The following PRKG1 variants were observed in gnomAD, a reference collection of about 807,000 sequenced individuals.
PRKG1 encodes protein kinase cGMP-dependent 1.
Under a neutral mutation model 88.1 loss-of-function variants are expected in PRKG1, and 35 were observed. The ratio of observed to expected loss-of-function variants is 0.40; its 90% CI spans 0.30 to 0.53. PRKG1 has a LOEUF of 0.53. PRKG1 is among the 20% of genes least tolerant of loss of function. The pLI is 0.59. For missense variants in PRKG1, 540 were observed against 839.8 expected (o/e 0.64, Z 4.41); for synonymous variants, 303 against 292.5 (o/e 1.04, Z -0.37).
At chr10:52,014,316 T>C (rs945466449) in intron 5 of PRKG1, among the ~76,000 whole-genome samples, 2 of 152,116 alleles carry the variant, frequency 1.3e-5, no homozygotes, top group African/African-American at 4.8e-5. Flanking sequence ...TATTATATGG[T>C]GGCAGGAGAG....
intron 5 of PRKG1, among the ~76,000 whole-genome samples, chr10:51,937,037 G>C (rs1319597576): frequency 6.6e-6 from 1 of 151,962 alleles, no homozygotes; most frequent in Non-Finnish European, 1.5e-5. Context: ...TTGCTGTTTA[G>C]TTAGCAGGAG....
chr10:51,560,638 A>C (rs1373824284), intron 3 of PRKG1, among the ~76,000 whole-genome samples: 1 of 152,122 alleles, frequency 6.6e-6, no homozygotes, highest in Non-Finnish European at 1.5e-5. Flanking sequence ...GATACATTTA[A>C]TTAACTGAAG....
intron 7 of PRKG1, among the ~76,000 whole-genome samples, chr10:52,132,661 T>A (rs1479044286): frequency 6.6e-6 from 1 of 152,140 alleles, no homozygotes; most frequent in Non-Finnish European, 1.5e-5. Flanking sequence ...GCTATATCAT[T>A]TCATATGTAC....
intron 2 of PRKG1, chr10:51,245,846 G>T (rs1011983379): frequency 2.0e-5 from 3 of 152,030 alleles, no homozygotes; most frequent in African/African-American, 7.2e-5. Flanking sequence ...AATATGGGTG[G>T]AACTGGATTC....
intron 1 of PRKG1, among the ~76,000 whole-genome samples, chr10:51,021,545 G>T (rs561432023): frequency 4.6e-5 from 7 of 152,136 alleles, no homozygotes; most frequent in Non-Finnish European, 8.8e-5. Context: ...TTTCTAGCTA[G>T]TCATGTTGGA....
chr10:51,499,448 GT>G (rs934370263), intron 3 of PRKG1, among the ~76,000 whole-genome samples: 19 of 152,246 alleles, frequency 1.2e-4, no homozygotes, highest in African/African-American at 4.6e-4. Flanking sequence ...TTATAATTGA[GT>G]TTTAAATCAT....
chr10:51,508,182 A>G (rs147715707), intron 3 of PRKG1, among the ~76,000 whole-genome samples: 21 of 152,318 alleles, frequency 1.4e-4, no homozygotes, highest in Admixed American at 4.6e-4. Context: ...GCATTTAAAC[A>G]GGACCTGGCA....
chr10:51,324,533 CT>C (rs1316500893), intron 2 of PRKG1, among the ~76,000 whole-genome samples: 1 of 149,164 alleles, frequency 6.7e-6, no homozygotes, highest in Non-Finnish European at 1.5e-5. Context: ...CAAGACCATC[CT>C]GTCTAACACG....
At chr10:51,314,332 T>C (rs1841266805) in intron 2 of PRKG1, among the ~76,000 whole-genome samples, 1 of 152,166 alleles carries the variant, frequency 6.6e-6, no homozygotes, top group African/African-American at 2.4e-5. Context: ...CTCTAGCTGA[T>C]TCCTGAAATG....
At chr10:51,480,426 A>G (rs1564516103) in intron 3 of PRKG1, among the ~76,000 whole-genome samples, 1 of 152,122 alleles carries the variant, frequency 6.6e-6, no homozygotes, top group Non-Finnish European at 1.5e-5. Context: ...ATTTAATCAT[A>G]CTTGACTTAT....
chr10:52,207,676 G>C (rs1245931147), intron 9 of PRKG1, among the ~76,000 whole-genome samples: 1 of 152,096 alleles, frequency 6.6e-6, no homozygotes, highest in East Asian at 1.9e-4. Context: ...TGGGAGTTGT[G>C]GGATCTCCTG....
intron 4 of PRKG1, among the ~76,000 whole-genome samples, chr10:51,826,498 TAG>T (rs895886405): frequency 2.6e-5 from 4 of 152,078 alleles, no homozygotes; most frequent in African/African-American, 9.7e-5. Context: ...TCAATTTGAG[TAG>T]AGTTTTCTTA....
At chr10:51,219,536 C>T (rs776252744) in intron 2 of PRKG1, among the ~76,000 whole-genome samples, 41 of 151,600 alleles carry the variant, frequency 2.7e-4, no homozygotes, top group Non-Finnish European at 4.3e-4. Context: ...AGTGAAACCC[C>T]GTCTCTACTA....
At position 51,418,349 on chromosome 10, in the gene PRKG1, C is replaced by CAACA. The variant is rs377434603; in HGVS notation, c.479-49373_479-49370dup. On this transcript the variant is annotated intron_variant, in intron 2 of 17. Coordinates refer to ENST00000373980, the MANE Select transcript of PRKG1 (RefSeq NM_006258.4). ...AATAAGGGATGTTGGCTGAATCATACAACACTATCAATTTGTAGACTAAAA... is the reference window on the plus strand; with the variant it reads ...AATAAGGGATGTTGGCTGAATCATACAACAAACACTATCAATTTGTAGACTAAAA... Among the ~76,000 whole-genome samples, 742 of 152,230 alleles carry CAACA rather than the reference C, an allele frequency of 4.9e-3. 8 individuals are homozygous for CAACA. Among genetic ancestry groups the CAACA allele is most frequent in the African/African-American group, 0.016 (676 of 41,556 alleles).
chr10:51,332,040 C>G (rs2339755), intron 2 of PRKG1, among the ~76,000 whole-genome samples: 3 of 152,146 alleles, frequency 2.0e-5, no homozygotes, highest in African/African-American at 7.2e-5. Context: ...GGTAAACATT[C>G]TTTTGACATG....
At chr10:51,318,723 G>C (rs1042843147) in intron 2 of PRKG1, among the ~76,000 whole-genome samples, 3 of 152,132 alleles carry the variant, frequency 2.0e-5, no homozygotes, top group Non-Finnish European at 2.9e-5. Flanking sequence ...CTTTAACAGA[G>C]GAGGAAAGCT....
chr10:51,230,724 T>A lies in PRKG1; in HGVS notation c.478+77394T>A, dbSNP rs1213117557. Among the ~76,000 whole-genome samples, 5 of 152,040 alleles carry A rather than the reference T, an allele frequency of 3.3e-5. No individual in the cohort carries two copies. In the South Asian group the frequency reaches 8.3e-4, roughly 25 times the overall value. On this transcript the variant is annotated intron_variant, in intron 2 of 17. Transcript: ENST00000373980. ...ATCATCTCTAAATTACTTATAATAA[T>A]GAATGCAAGTAAATGCTATGTAAAT...
intron 2 of PRKG1, among the ~76,000 whole-genome samples, chr10:51,249,547 T>C (rs1245475300): frequency 6.6e-6 from 1 of 151,912 alleles, no homozygotes; most frequent in East Asian, 1.9e-4. Flanking sequence ...TTTTAGGTGA[T>C]ATTTTGAATG....
chr10:51,055,259 C>T (rs755186669), intron 1 of PRKG1, among the ~76,000 whole-genome samples: 16 of 152,006 alleles, frequency 1.1e-4, no homozygotes, highest in African/African-American at 3.6e-4. Flanking sequence ...TCTATTGTTC[C>T]GGCCCAAATT....
Sources: allele counts gnomAD v4.1 joint callset (sites outside exome capture counted in the v4.1 genomes callset), GRCh38; gene constraint gnomAD v4.1.1; transcripts MANE v1.5; gene names NCBI Gene and HGNC (gene_info 2026-07-23, HGNC 2026-07-21).